The following PHTF2 variants were observed in gnomAD, a reference collection of about 807,000 sequenced individuals.
PHTF2 encodes protein PHTF2.
A neutral mutation model predicts 101.2 loss-of-function variants in PHTF2; 60 were observed. The observed-to-expected ratio is 0.59, with a 90% CI of 0.48 to 0.73. The LOEUF (loss-of-function observed/expected upper bound fraction) is 0.73. Among genes scored for constraint, PHTF2 ranks in the 30% least tolerant of loss-of-function variants. The pLI, the probability that PHTF2 is intolerant of heterozygous loss-of-function variation, is 0.00. For synonymous variants in PHTF2, 311 were observed against 307.3 expected (o/e 1.01, Z -0.13); for missense variants, 747 against 908.7 (o/e 0.82, Z 2.29).
At chr7:77,914,059 CTG>C (rs1249554842) in intron 9 of PHTF2, among the ~76,000 whole-genome samples, 1 of 135,498 alleles carries the variant, frequency 7.4e-6, no homozygotes, top group Non-Finnish European at 1.5e-5. Context: ...GAGCTGGACT[CTG>C]TCTCAAAAAA....
chr7:77,889,735 T>C (rs1302306861), intron 3 of PHTF2, among the ~76,000 whole-genome samples: 2 of 151,750 alleles, frequency 1.3e-5, no homozygotes, highest in Non-Finnish European at 2.9e-5. Flanking sequence ...GGACTACAGG[T>C]CTGCACGACT....
intron 3 of PHTF2, among the ~76,000 whole-genome samples, chr7:77,883,491 G>A (rs781314218): frequency 4.6e-5 from 7 of 151,802 alleles, no homozygotes; most frequent in Non-Finnish European, 1.0e-4. Flanking sequence ...TAGCCCTCTC[G>A]GTTTTCTCTT....
intron 11 of PHTF2, among the ~76,000 whole-genome samples, chr7:77,924,712 T>G (rs1202703595): frequency 6.6e-6 from 1 of 152,160 alleles, no homozygotes; most frequent in Non-Finnish European, 1.5e-5. Context: ...GATGGCAATA[T>G]CTGTAGATAA....
chr7:77,840,636 A>G (rs1251885740), intron 2 of PHTF2, among the ~76,000 whole-genome samples: 3 of 152,114 alleles, frequency 2.0e-5, no homozygotes, highest in East Asian at 1.9e-4. Flanking sequence ...ACTTATATCA[A>G]TAGTTTTTAA....
intron 1 of PHTF2, among the ~76,000 whole-genome samples, chr7:77,814,198 G>A (rs781267743): frequency 1.4e-4 from 21 of 152,050 alleles, no homozygotes; most frequent in Non-Finnish European, 2.2e-4. Flanking sequence ...ATATAAGGTC[G>A]CTGCTAACAC....
At chr7:77,813,122 T>A (rs1793579967) in intron 1 of PHTF2, among the ~76,000 whole-genome samples, 1 of 152,220 alleles carries the variant, frequency 6.6e-6, no homozygotes, top group African/African-American at 2.4e-5. Flanking sequence ...TTTTATCCTT[T>A]GAGTTACAAT....
intron 12 of PHTF2, among the ~76,000 whole-genome samples, chr7:77,931,617 G>T (rs1040264927): frequency 6.6e-6 from 1 of 152,140 alleles, no homozygotes; most frequent in Non-Finnish European, 1.5e-5. Flanking sequence ...TAATACTGAT[G>T]TTTGTTTGTA....
In PHTF2 at chr7:77,813,017, G is replaced by A. The variant is rs377737225; in HGVS notation, c.-36+14046G>A. On this transcript the variant is annotated intron_variant, in intron 1 of 19. Transcript: ENST00000416283. Reference sequence around the variant, plus strand: ...ATGTAGTGGATATAGGAACAGGTGAGGTTATAGGTATAATCTAATAGTAGT... The same window carrying A: ...ATGTAGTGGATATAGGAACAGGTGAAGTTATAGGTATAATCTAATAGTAGT... Among the ~76,000 whole-genome samples the A allele has an allele frequency of 7.9e-5, 12 of 152,284 alleles. No homozygotes were observed. In the East Asian group the frequency reaches 2.1e-3, roughly 27 times the overall value.
intron 12 of PHTF2, among the ~76,000 whole-genome samples, chr7:77,933,654 G>A (rs1258366420): frequency 6.6e-6 from 1 of 151,582 alleles, no homozygotes; most frequent in African/African-American, 2.4e-5. Flanking sequence ...TGAGGGAAAT[G>A]CCTGTGAGCT....
intron 2 of PHTF2, among the ~76,000 whole-genome samples, chr7:77,853,229 C>G (rs543155398): frequency 1.3e-5 from 2 of 152,150 alleles, no homozygotes; most frequent in East Asian, 3.9e-4. Flanking sequence ...AGGGTATTTT[C>G]TAGATCTTAT....
At chr7:77,885,748 T>C (rs553879179) in intron 3 of PHTF2, among the ~76,000 whole-genome samples, 1 of 152,216 alleles carries the variant, frequency 6.6e-6, no homozygotes, top group African/African-American at 2.4e-5. Flanking sequence ...CCTAGCCTTA[T>C]TGTTATACTT....
At chr7:77,901,247 T>C (rs1801361802) in intron 6 of PHTF2, among the ~76,000 whole-genome samples, 1 of 152,234 alleles carries the variant, frequency 6.6e-6, no homozygotes, top group Non-Finnish European at 1.5e-5. Flanking sequence ...TATTCCAAAC[T>C]ATATCAGATA....
intron 11 of PHTF2, among the ~76,000 whole-genome samples, chr7:77,925,423 C>A (rs147913072): frequency 2.8e-4 from 41 of 144,810 alleles, no homozygotes; most frequent in African/African-American, 9.9e-4. Context: ...GTGATATTCA[C>A]TATTAATCAC....
In PHTF2 at chr7:77,859,936, T is replaced by A. The variant is rs762763842; in HGVS notation, c.147+5102T>A. Among the ~76,000 whole-genome samples, 48 of 152,234 alleles carry A rather than the reference T, an allele frequency of 3.2e-4. 1 individual carries two copies. Among genetic ancestry groups the A allele is most frequent in the Non-Finnish European group, 1.2e-4 (8 of 68,042 alleles). The stretch of plus-strand genomic sequence containing the variant: ...TTATGCAAAATTAAGCACAATTTTC[T>A]GCTTTCAGTTCTTATTAAATAGATA... On this transcript the variant is annotated intron_variant, in intron 3 of 19. Coordinates refer to ENST00000416283, the Ensembl canonical transcript of PHTF2.
At chr7:77,908,945 G>A (rs1802112104) in exon 8 of PHTF2, 8 of 1,594,820 alleles carry the variant, frequency 5.0e-6, no homozygotes, top group East Asian at 2.2e-5. Context: ...AAGTACAGGG[G>A]GTAAAAGAAG....
At chr7:77,929,730 T>C (rs1287880764) in intron 12 of PHTF2, among the ~76,000 whole-genome samples, 2 of 152,212 alleles carry the variant, frequency 1.3e-5, no homozygotes, top group Non-Finnish European at 2.9e-5. Flanking sequence ...GGAAATATTA[T>C]GAGAGTCAGA....
chr7:77,934,718 C>T (rs990685835), intron 12 of PHTF2, among the ~76,000 whole-genome samples: 2 of 152,086 alleles, frequency 1.3e-5, no homozygotes, highest in South Asian at 2.1e-4. Flanking sequence ...GAGGCCAAGG[C>T]GGGTGGATTA....
In PHTF2 at chr7:77,836,962, T is replaced by A. The variant is rs560024816; in HGVS notation, c.-35-3259T>A. Among the ~76,000 whole-genome samples, 224 of 118,650 alleles carry A rather than the reference T, an allele frequency of 1.9e-3. 1 individual carries two copies. The highest frequency in any genetic ancestry group is 6.9e-3 in the African/African-American group (207 of 29,878). The allele number at this position is 118,650 out of a possible 152,430, so 77.8% of individuals were successfully genotyped here. On this transcript the variant is annotated intron_variant, in intron 1 of 19. Coordinates refer to ENST00000416283, the Ensembl canonical transcript of PHTF2. The stretch of plus-strand genomic sequence containing the variant: ...CACATGTACCCCAAAACTTAAAGTA[T>A]AATAAAAAAAGCAAAAAAAAAAAAA...
At chr7:77,804,656 A>G (rs566866506) in intron 1 of PHTF2, among the ~76,000 whole-genome samples, 5 of 152,322 alleles carry the variant, frequency 3.3e-5, no homozygotes, top group Admixed American at 6.5e-5. Context: ...GTTCAAGCCA[A>G]GAGTCATGTG....
Sources: allele counts gnomAD v4.1 joint callset (sites outside exome capture counted in the v4.1 genomes callset), GRCh38; gene constraint gnomAD v4.1.1; transcripts MANE v1.5; gene names NCBI Gene and HGNC (gene_info 2026-07-23, HGNC 2026-07-21).